GNA14: variants seen among roughly 807,000 people sequenced by gnomAD.
GNA14 encodes the protein G protein subunit alpha 14, also known as guanine nucleotide-binding protein subunit alpha-14.
In GNA14, 50 loss-of-function variants were observed where a neutral mutation model predicts 42.0. That is an observed-to-expected ratio of 1.19 (90% CI 0.95 to 1.51). GNA14 has a LOEUF of 1.51. Ranked by LOEUF, GNA14 falls within the 40% of genes most tolerant of loss-of-function variation. The pLI, the probability that GNA14 is intolerant of heterozygous loss-of-function variation, is 0.00. For missense variants in GNA14, 473 were observed against 446.2 expected, an observed-to-expected ratio of 1.06 and a Z score of -0.54; for synonymous variants, 173 against 163.1, an observed-to-expected ratio of 1.06 and a Z score of -0.46.
intron 1 of GNA14, among the ~76,000 whole-genome samples, chr9:77,585,107 C>A (rs1015109590): frequency 1.3e-5 from 2 of 152,116 alleles, no homozygotes; most frequent in Non-Finnish European, 2.9e-5. Flanking sequence ...CCTCATTTCA[C>A]CCAGCTCCTA....
rs2131685352 is a variant in GNA14 at position 77,425,805 on chromosome 9, T to C, written c.724-90A>G. The C allele has an allele frequency of 9.3e-6, 9 of 968,702 alleles. No homozygotes were observed. In the South Asian group the frequency reaches 1.3e-4, roughly 14 times the overall value. The allele number at this position is 968,702 out of a possible 1,614,324, so 60.0% of individuals were successfully genotyped here. A position where few individuals can be genotyped will look rare whatever the true frequency, so the allele number is the denominator to read the frequency against. On this transcript the variant is annotated intron_variant, in intron 5 of 6. Coordinates refer to ENST00000341700, the MANE Select transcript of GNA14 (RefSeq NM_004297.4). ...ATTGCCAGTCCATCCATCTCTTCCC[T>C]TGCCCCGCCGCAGTCTCTGGGCCAC... is the stretch of plus-strand genomic sequence containing the variant.
intron 1 of GNA14, among the ~76,000 whole-genome samples, chr9:77,629,218 G>C (rs1273126691): frequency 6.6e-6 from 1 of 152,146 alleles, no homozygotes; most frequent in Non-Finnish European, 1.5e-5. Flanking sequence ...TCATTAAAAA[G>C]TCAGGAAACA....
At chr9:77,575,382 C>CA (rs897907278) in intron 1 of GNA14, among the ~76,000 whole-genome samples, 5 of 151,354 alleles carry the variant, frequency 3.3e-5, no homozygotes, top group Admixed American at 2.0e-4. Context: ...AACTCCATCT[C>CA]AAAAAAAAGA....
chr9:77,455,498 G>A (rs1034903483), intron 2 of GNA14, among the ~76,000 whole-genome samples: 1 of 152,228 alleles, frequency 6.6e-6, no homozygotes, highest in African/African-American at 2.4e-5. Flanking sequence ...TATGCAGGAC[G>A]TGTACACCAG....
Position 77,571,655 on chromosome 9 carries a change from C to G in GNA14, c.125-42402G>C, listed in dbSNP as rs923429204. The stretch of plus-strand genomic sequence containing the variant: ...GTCTCTACTAAAAATACAAAATTAG[C>G]CAAGCTTGGTGGCATATGCCTGTAA... On this transcript the variant is annotated intron_variant, in intron 1 of 6. Coordinates refer to ENST00000341700, the MANE Select transcript of GNA14 (RefSeq NM_004297.4). Among the ~76,000 whole-genome samples, 14 of 151,846 alleles carry G rather than the reference C, an allele frequency of 9.2e-5. No individual in the cohort carries two copies. In the South Asian group the frequency reaches 1.9e-3, roughly 20 times the overall value.
chr9:77,599,012 G>A (rs1823510785), intron 1 of GNA14, among the ~76,000 whole-genome samples: 1 of 152,086 alleles, frequency 6.6e-6, no homozygotes, highest in Non-Finnish European at 1.5e-5. Context: ...GGACATCAGG[G>A]GAGACTGACA....
rs201648868 is a variant in GNA14 at position 77,565,758 on chromosome 9, CT to C, written c.125-36506del. On this transcript the variant is annotated intron_variant, in intron 1 of 6. Transcript: ENST00000341700. Reference sequence around the variant, plus strand: ...GAGGCGTGAGCCACCGTGCCCAGCACTTTTTACTTTTTAAATGCAACGATTA... The same window carrying C: ...GAGGCGTGAGCCACCGTGCCCAGCACTTTTACTTTTTAAATGCAACGATTA... Among the ~76,000 whole-genome samples the C allele has an allele frequency of 6.0e-3, 919 of 152,146 alleles. 8 individuals carry two copies. Among genetic ancestry groups the C allele is most frequent in the African/African-American group, 0.017 (706 of 41,532 alleles).
chr9:77,575,765 T>C (rs1340549545), intron 1 of GNA14, among the ~76,000 whole-genome samples: 1 of 152,234 alleles, frequency 6.6e-6, no homozygotes, highest in African/African-American at 2.4e-5. Flanking sequence ...TTAAAAAGTA[T>C]TAGTGCCTAA....
chr9:77,483,917 G>C (rs932588150), intron 2 of GNA14, among the ~76,000 whole-genome samples: 7 of 151,744 alleles, frequency 4.6e-5, no homozygotes, highest in African/African-American at 1.4e-4. Flanking sequence ...CAAAATAAAA[G>C]ATAGTAATGC....
At chr9:77,490,396 C>G (rs1298393000) in intron 2 of GNA14, among the ~76,000 whole-genome samples, 1 of 152,244 alleles carries the variant, frequency 6.6e-6, no homozygotes, top group Non-Finnish European at 1.5e-5. Context: ...CTCCTCAGCC[C>G]TTGGGCGGTG....
rs78441216 is a variant in GNA14 at position 77,534,711 on chromosome 9, A to T, written c.125-5458T>A. The stretch of plus-strand genomic sequence containing the variant: ...TATGTGCCCAACAGGCGGAAGACAG[A>T]CATGCGCATAACGGATGTGACCAGC... On this transcript the variant is annotated intron_variant, in intron 1 of 6. Transcript: ENST00000341700. Among the ~76,000 whole-genome samples the T allele has an allele frequency of 7.7e-3, 1,168 of 152,344 alleles. 20 individuals carry two copies. Among genetic ancestry groups the T allele is most frequent in the African/African-American group, 0.027 (1,110 of 41,578 alleles).
intron 2 of GNA14, among the ~76,000 whole-genome samples, chr9:77,474,282 T>A (rs1174834070): frequency 6.6e-6 from 1 of 152,180 alleles, no homozygotes; most frequent in Admixed American, 6.5e-5. Context: ...CTATTCAGAA[T>A]GAAGAACGCT....
chr9:77,565,050 G>A (rs1214461376), intron 1 of GNA14, among the ~76,000 whole-genome samples: 1 of 152,116 alleles, frequency 6.6e-6, no homozygotes, highest in Non-Finnish European at 1.5e-5. Context: ...TTGTTCTGCT[G>A]CTGTTTTCAC....
intron 2 of GNA14, among the ~76,000 whole-genome samples, chr9:77,452,433 ACTACT>A (rs1386923458): frequency 1.3e-5 from 2 of 152,040 alleles, no homozygotes; most frequent in Non-Finnish European, 2.9e-5. Flanking sequence ...TAAACAAAAC[ACTACT>A]CTACAAAACG....
chr9:77,647,978 C>G lies in GNA14; in HGVS notation c.-185G>C. 1.5e-6 allele frequency: 1 copy of G among 658,840 alleles called. No individual in the cohort carries two copies. Among genetic ancestry groups the G allele is most frequent in the Admixed American group, 3.3e-5 (1 of 30,650 alleles). The allele number at this position is 658,840 out of a possible 1,614,324, so 40.8% of individuals were successfully genotyped here. A position where few individuals can be genotyped will look rare whatever the true frequency, so the allele number is the denominator to read the frequency against. On this transcript the variant is annotated 5_prime_UTR_variant, in exon 1 of 7. Transcript: ENST00000341700. ...CTCAATCCCCCTTCGAAAGTCGGCT[C>G]TGAGGCGGGGTGAATGCCGAGCGCT...
At chr9:77,546,437 ATC>A (rs1390282489) in intron 1 of GNA14, among the ~76,000 whole-genome samples, 3 of 152,068 alleles carry the variant, frequency 2.0e-5, no homozygotes, top group Admixed American at 2.0e-4. Context: ...TCATTATGAC[ATC>A]TCTCTCTGAA....
At chr9:77,559,973 A>G (rs1321332328) in intron 1 of GNA14, among the ~76,000 whole-genome samples, 1 of 152,152 alleles carries the variant, frequency 6.6e-6, no homozygotes, top group Non-Finnish European at 1.5e-5. Flanking sequence ...TTGATTCTCA[A>G]AATATTAGGT....
At chr9:77,537,048 C>T (rs571960983) in intron 1 of GNA14, among the ~76,000 whole-genome samples, 1 of 152,144 alleles carries the variant, frequency 6.6e-6, no homozygotes, top group Non-Finnish European at 1.5e-5. Flanking sequence ...GTATCCATCA[C>T]CTTGAGTATT....
chr9:77,614,433 T>G (rs1823779030), intron 1 of GNA14, among the ~76,000 whole-genome samples: 1 of 152,116 alleles, frequency 6.6e-6, no homozygotes, highest in Admixed American at 6.5e-5. Flanking sequence ...TTTCAGTGTT[T>G]TCTCAATAAA....
Sources: allele counts gnomAD v4.1 joint callset (sites outside exome capture counted in the v4.1 genomes callset), GRCh38; gene constraint gnomAD v4.1.1; transcripts MANE v1.5; gene names NCBI Gene and HGNC (gene_info 2026-07-23, HGNC 2026-07-21).